Variants in ERBB4 observed in about 807,000 individuals in gnomAD.
ERBB4 encodes the protein receptor tyrosine-protein kinase erbB-4.
In ERBB4, 42 loss-of-function variants were observed where a neutral mutation model predicts 158.0. The observed-to-expected ratio is 0.27, with a 90% CI of 0.21 to 0.34. ERBB4 has a LOEUF of 0.34. Among genes scored for constraint, ERBB4 ranks in the 10% least tolerant of loss-of-function variants. ERBB4 has a pLI of 1.00. For missense variants in ERBB4, 1,333 were observed against 1,624.1 expected (o/e 0.82, Z 3.08); for synonymous variants, 583 against 558.7 (o/e 1.04, Z -0.61).
intron 7 of ERBB4, among the ~76,000 whole-genome samples, chr2:211,718,296 A>C (rs2073988597): frequency 6.6e-6 from 1 of 152,202 alleles, no homozygotes; most frequent in Non-Finnish European, 1.5e-5. Flanking sequence ...ATGACTAATA[A>C]GGGAACGAAG....
At chr2:212,074,616 G>A (rs990432000) in intron 2 of ERBB4, among the ~76,000 whole-genome samples, 1 of 151,842 alleles carries the variant, frequency 6.6e-6, no homozygotes, top group Non-Finnish European at 1.5e-5. Flanking sequence ...CCAGCAACCT[G>A]GGGAGACAAT....
intron 2 of ERBB4, among the ~76,000 whole-genome samples, chr2:212,053,966 T>C (rs995669366): frequency 3.4e-4 from 51 of 152,106 alleles, no homozygotes; most frequent in African/African-American, 1.2e-3. Context: ...CATTAGTATA[T>C]GGGGATAAAT....
intron 1 of ERBB4, among the ~76,000 whole-genome samples, chr2:212,299,289 T>A (rs561173645): frequency 1.3e-5 from 2 of 151,694 alleles, no homozygotes; most frequent in African/African-American, 2.4e-5. Flanking sequence ...TTTGGAATCA[T>A]TATGGTTCAT....
At chr2:212,248,633 C>T (rs10497967) in intron 1 of ERBB4, among the ~76,000 whole-genome samples, 9,631 of 152,024 alleles carry the variant, frequency 0.063, 357 homozygotes, top group Non-Finnish European at 0.082. Context: ...TAATCCGCCA[C>T]GTTAAGAGAA....
intron 1 of ERBB4, among the ~76,000 whole-genome samples, chr2:212,316,215 A>AT (rs900552826): frequency 9.9e-5 from 15 of 150,988 alleles, no homozygotes; most frequent in Admixed American, 2.0e-4. Flanking sequence ...TTTTTGGATG[A>AT]TTTTTTTTCT....
chr2:211,782,817 G>A (rs760725415), intron 4 of ERBB4, among the ~76,000 whole-genome samples: 7 of 152,246 alleles, frequency 4.6e-5, no homozygotes, highest in Non-Finnish European at 7.4e-5. Flanking sequence ...GATGCCTACA[G>A]CTTTGTTCTT....
intron 20 of ERBB4, among the ~76,000 whole-genome samples, chr2:211,486,848 A>G (rs1022029117): frequency 2.6e-5 from 4 of 152,124 alleles, no homozygotes; most frequent in African/African-American, 9.6e-5. Flanking sequence ...TTGGATTAAA[A>G]TATTTTCAGG....
intron 20 of ERBB4, among the ~76,000 whole-genome samples, chr2:211,520,825 TTTG>T (rs1335749902): frequency 6.6e-6 from 1 of 152,168 alleles, no homozygotes; most frequent in African/African-American, 2.4e-5. Context: ...TATTTTAAAC[TTTG>T]TTATAATTAT....
intron 20 of ERBB4, among the ~76,000 whole-genome samples, chr2:211,549,461 A>C (rs1180400051): frequency 2.6e-5 from 4 of 152,070 alleles, no homozygotes; most frequent in Admixed American, 1.3e-4. Flanking sequence ...TCGGCTTCTC[A>C]AGGGATGGTG....
chr2:212,240,203 C>T (rs1559821815), intron 1 of ERBB4, among the ~76,000 whole-genome samples: 1 of 152,052 alleles, frequency 6.6e-6, no homozygotes. Flanking sequence ...AACACTATCC[C>T]AAAATATGGT....
intron 2 of ERBB4, among the ~76,000 whole-genome samples, chr2:211,951,637 C>T (rs1403122183): frequency 6.6e-6 from 1 of 152,004 alleles, no homozygotes; most frequent in Non-Finnish European, 1.5e-5. Flanking sequence ...TGTGTCTTGT[C>T]TTCATGGAAG....
At chr2:212,066,609 A>G (rs923595785) in intron 2 of ERBB4, among the ~76,000 whole-genome samples, 3 of 152,068 alleles carry the variant, frequency 2.0e-5, no homozygotes, top group African/African-American at 4.8e-5. Flanking sequence ...AATGCTATCC[A>G]TCATAATTGT....
chr2:212,200,112 C>A (rs1429996183), intron 1 of ERBB4, among the ~76,000 whole-genome samples: 2 of 152,172 alleles, frequency 1.3e-5, no homozygotes, highest in Non-Finnish European at 2.9e-5. Flanking sequence ...TTAATTTCAT[C>A]TCACAAATCA....
At chr2:212,258,522 A>C (rs1325509531) in intron 1 of ERBB4, among the ~76,000 whole-genome samples, 1 of 151,030 alleles carries the variant, frequency 6.6e-6, no homozygotes, top group African/African-American at 2.4e-5. Flanking sequence ...GTTTTAAAAA[A>C]TATATTGGTA....
chr2:211,465,550 C>T (rs979872231), intron 20 of ERBB4, among the ~76,000 whole-genome samples: 2 of 151,992 alleles, frequency 1.3e-5, no homozygotes, highest in Admixed American at 6.6e-5. Flanking sequence ...CAGATGTTCA[C>T]CTACTTCACT....
chr2:212,191,645 TAA>T (rs1217230653), intron 1 of ERBB4, among the ~76,000 whole-genome samples: 9 of 127,746 alleles, frequency 7.0e-5, no homozygotes, highest in African/African-American at 1.2e-4. Context: ...ATGCTATATA[TAA>T]CACATGCGTT....
chr2:212,220,649 A>G (rs1386333842), intron 1 of ERBB4, among the ~76,000 whole-genome samples: 2 of 151,364 alleles, frequency 1.3e-5, no homozygotes, highest in African/African-American at 4.8e-5. Flanking sequence ...ATTTGCCAAA[A>G]TGTCTTTGCA....
At chr2:211,904,232 G>A (rs1180382818) in intron 3 of ERBB4, among the ~76,000 whole-genome samples, 1 of 152,032 alleles carries the variant, frequency 6.6e-6, no homozygotes, top group African/African-American at 2.4e-5. Flanking sequence ...TGCACACAGA[G>A]CATAATATAA....
At chr2:212,366,392 T>C (rs556976160) in intron 1 of ERBB4, among the ~76,000 whole-genome samples, 1 of 151,912 alleles carries the variant, frequency 6.6e-6, no homozygotes, top group Non-Finnish European at 1.5e-5. Context: ...GATATAAAAA[T>C]TATGGGGAAA....
Sources: gnomAD v4.1 joint callset for allele counts (sites outside exome capture counted in the v4.1 genomes callset) on GRCh38, gnomAD v4.1.1 for gene constraint, MANE v1.5 for transcripts, NCBI Gene and HGNC (gene_info 2026-07-23, HGNC 2026-07-21) for gene names.